Variants in KLHL13 observed in about 807,000 individuals in gnomAD.
The protein encoded by KLHL13 is kelch-like protein 13.
KLHL13 carries 10 observed loss-of-function variants against 37.1 expected under a neutral mutation model. That is an observed-to-expected ratio of 0.27 (90% CI 0.17 to 0.46). The LOEUF (loss-of-function observed/expected upper bound fraction) is 0.46. Ranked by LOEUF, KLHL13 falls within the 20% of genes least tolerant of loss-of-function variation. KLHL13 has a pLI of 1.00. For synonymous variants in KLHL13, 163 were observed against 181.2 expected (o/e 0.90, Z 0.81); for missense variants, 360 against 509.3 (o/e 0.71, Z 2.82).
At chrX:117,943,692 C>A (rs1283080448) in intron 2 of KLHL13, among the ~76,000 whole-genome samples, 1 of 108,640 alleles carries the variant, frequency 9.2e-6, no homozygotes, top group Non-Finnish European at 1.9e-5. Flanking sequence ...CATTTATGTT[C>A]TTCTCTAAAC....
intron 1 of KLHL13, among the ~76,000 whole-genome samples, chrX:118,081,940 TTG>T (rs762989393): frequency 0.11 from 10,474 of 97,208 alleles, 708 homozygotes; most frequent in African/African-American, 0.23. Flanking sequence ...TAGTATTCCA[TTG>T]TGTGTGTGTG....
At chrX:117,926,426 C>G (rs747799321) in intron 2 of KLHL13, among the ~76,000 whole-genome samples, 5 of 110,888 alleles carry the variant, frequency 4.5e-5, no homozygotes, top group Non-Finnish European at 7.6e-5. Context: ...AGGATTCCAG[C>G]GAGTAATGAT....
intron 1 of KLHL13, among the ~76,000 whole-genome samples, chrX:118,042,173 T>C (rs893008258): frequency 9.0e-6 from 1 of 111,355 alleles, no homozygotes; most frequent in Non-Finnish European, 1.9e-5. Context: ...TAAACATATA[T>C]GCACCCGACA....
chrX:118,089,328 T>C (rs1347617861), intron 1 of KLHL13, among the ~76,000 whole-genome samples: 1 of 109,661 alleles, frequency 9.1e-6, no homozygotes, highest in Non-Finnish European at 1.9e-5. Flanking sequence ...AACAAGGCAC[T>C]CTTAGCCCTC....
intron 1 of KLHL13, among the ~76,000 whole-genome samples, chrX:118,104,780 A>G (rs756795069): frequency 2.1e-4 from 24 of 112,196 alleles, no homozygotes; most frequent in African/African-American, 7.8e-4. Context: ...TTCAAAACAA[A>G]TTTCTCTTTC....
intron 1 of KLHL13, among the ~76,000 whole-genome samples, chrX:117,978,979 G>A (rs2053627801): frequency 1.8e-5 from 2 of 110,813 alleles, no homozygotes; most frequent in Admixed American, 9.6e-5. Flanking sequence ...AGCCCAGGCT[G>A]GAGTGCAGTG....
At chrX:117,983,462 G>A in intron 1 of KLHL13, 1 of 1,014,585 alleles carries the variant, frequency 9.9e-7, no homozygotes, top group Non-Finnish European at 1.3e-6. Flanking sequence ...GAGGAAAAAT[G>A]TAGACCCCTG....
chrX:117,950,029 T>G (rs375841484), intron 1 of KLHL13, among the ~76,000 whole-genome samples: 8 of 112,819 alleles, frequency 7.1e-5, no homozygotes, highest in African/African-American at 2.6e-4. Context: ...AGAGAAAAGC[T>G]AGAAAGGTAA....
chrX:117,935,292 G>A, intron 2 of KLHL13, among the ~76,000 whole-genome samples: 1 of 112,007 alleles, frequency 8.9e-6, no homozygotes, highest in African/African-American at 3.2e-5. Context: ...AAGGAAGGAA[G>A]CATGTTATAT....
chrX:118,039,305 T>C (rs2054483426), intron 1 of KLHL13, among the ~76,000 whole-genome samples: 1 of 111,892 alleles, frequency 8.9e-6, no homozygotes, highest in Non-Finnish European at 1.9e-5. Context: ...TTCTAGGCCT[T>C]GACTCCTGGA....
At chrX:118,012,508 C>G (rs1278205902) in intron 1 of KLHL13, among the ~76,000 whole-genome samples, 3 of 110,212 alleles carry the variant, frequency 2.7e-5, no homozygotes, top group African/African-American at 9.9e-5. Flanking sequence ...CTGACTCGCA[C>G]CTGTGTCCCT....
At chrX:118,066,982 T>A (rs1462639148) in intron 1 of KLHL13, among the ~76,000 whole-genome samples, 2 of 111,719 alleles carry the variant, frequency 1.8e-5, no homozygotes, top group African/African-American at 6.5e-5. Context: ...TAGTTTCTCA[T>A]TGTAAGTACA....
intron 1 of KLHL13, among the ~76,000 whole-genome samples, chrX:118,061,095 G>T (rs1325170199): frequency 9.0e-6 from 1 of 111,661 alleles, no homozygotes; most frequent in East Asian, 2.8e-4. Flanking sequence ...ATCCACAACA[G>T]TCACACTGAA....
chrX:117,952,747 C>T (rs1308916295), intron 1 of KLHL13, among the ~76,000 whole-genome samples: 4 of 105,494 alleles, frequency 3.8e-5, no homozygotes, highest in Non-Finnish European at 5.9e-5. Flanking sequence ...GGGCAAAGGA[C>T]ATGAACAGAC....
At chrX:118,053,094 A>G (rs1211014929) in intron 1 of KLHL13, among the ~76,000 whole-genome samples, 1 of 111,736 alleles carries the variant, frequency 8.9e-6, no homozygotes, top group Non-Finnish European at 1.9e-5. Flanking sequence ...AAAATATTCT[A>G]AAAACATAAC....
intron 2 of KLHL13, among the ~76,000 whole-genome samples, chrX:117,926,933 T>G (rs1932073493): frequency 2.5e-5 from 2 of 79,539 alleles, no homozygotes; most frequent in Non-Finnish European, 2.3e-5. Context: ...TGAGATGGAG[T>G]CTCGCTCTGT....
chrX:117,934,716 A>G (rs1322571742), intron 2 of KLHL13, among the ~76,000 whole-genome samples: 1 of 110,449 alleles, frequency 9.1e-6, no homozygotes, highest in East Asian at 2.8e-4. Context: ...ATGAACCCTT[A>G]CTACTGAGTA....
chrX:117,928,418 T>C (rs1330178491), intron 2 of KLHL13, among the ~76,000 whole-genome samples: 3 of 111,827 alleles, frequency 2.7e-5, no homozygotes, highest in African/African-American at 9.7e-5. Context: ...TTCAGGTATA[T>C]GTGAAACATT....
chrX:117,922,479 A>G (rs1931766693), intron 2 of KLHL13, among the ~76,000 whole-genome samples: 1 of 111,873 alleles, frequency 8.9e-6, no homozygotes, highest in South Asian at 3.8e-4. Context: ...ACAAAATTTT[A>G]CTCAGAAGCT....
Sources: gnomAD v4.1 joint callset for allele counts (sites outside exome capture counted in the v4.1 genomes callset) on GRCh38, gnomAD v4.1.1 for gene constraint, MANE v1.5 for transcripts, NCBI Gene and HGNC (gene_info 2026-07-23, HGNC 2026-07-21) for gene names.